DAB1: variants seen among roughly 807,000 people sequenced by gnomAD.
The protein encoded by DAB1 is DAB adaptor protein 1.
A neutral mutation model predicts 64.6 loss-of-function variants in DAB1; 15 were observed. That is an observed-to-expected ratio of 0.23 (90% CI 0.16 to 0.36). The LOEUF is 0.36. DAB1 is among the 10% of genes least tolerant of loss of function. The probability of loss-of-function intolerance (pLI) is 1.00; values close to 1 mark genes in which losing one functional copy is unlikely to be tolerated. For missense variants in DAB1, 596 were observed against 706.7 expected, an observed-to-expected ratio of 0.84 and a Z score of 1.78; for synonymous variants, 235 against 251.9, an observed-to-expected ratio of 0.93 and a Z score of 0.64.
chr1:57,060,635 G>A (rs1459940946), intron 9 of DAB1, among the ~76,000 whole-genome samples: 1 of 152,116 alleles, frequency 6.6e-6, no homozygotes, highest in African/African-American at 2.4e-5. Flanking sequence ...TGTTCAGAGC[G>A]AAAGTCCAGA....
intron 1 of DAB1, among the ~76,000 whole-genome samples, chr1:58,538,379 C>A (rs946453401): frequency 2.0e-5 from 3 of 152,158 alleles, no homozygotes; most frequent in African/African-American, 7.2e-5. Flanking sequence ...TTATGATTTG[C>A]TGCCTTAAAT....
At chr1:57,059,890 A>G (rs1008604763) in intron 9 of DAB1, among the ~76,000 whole-genome samples, 1 of 152,110 alleles carries the variant, frequency 6.6e-6, no homozygotes, top group Non-Finnish European at 1.5e-5. Flanking sequence ...TAGGCTTTTG[A>G]AAATGTTGAA....
chr1:57,016,063 T>G (rs1255355268), intron 11 of DAB1, among the ~76,000 whole-genome samples: 3 of 152,144 alleles, frequency 2.0e-5, no homozygotes, highest in Non-Finnish European at 4.4e-5. Flanking sequence ...TCTCACTGGG[T>G]TGATTTGAAG....
intron 7 of DAB1, among the ~76,000 whole-genome samples, chr1:57,621,560 A>T (rs1645859823): frequency 6.6e-6 from 1 of 151,378 alleles, no homozygotes. Flanking sequence ...TAGGCTGGGG[A>T]CTCTGAGGCT....
At chr1:57,583,735 A>C (rs1414745098) in intron 7 of DAB1, among the ~76,000 whole-genome samples, 1 of 152,084 alleles carries the variant, frequency 6.6e-6, no homozygotes, top group African/African-American at 2.4e-5. Context: ...GTACTTTCCA[A>C]ATTTCTTCCA....
intron 4 of DAB1, among the ~76,000 whole-genome samples, chr1:57,088,982 C>A (rs982400317): frequency 1.3e-5 from 2 of 152,120 alleles, no homozygotes; most frequent in African/African-American, 2.4e-5. Context: ...AGGGCACAGA[C>A]CCTGGAGCCA....
chr1:57,454,839 T>C (rs1186327757), intron 7 of DAB1, among the ~76,000 whole-genome samples: 2 of 152,068 alleles, frequency 1.3e-5, no homozygotes, highest in African/African-American at 2.4e-5. Context: ...AGCTGAGCAC[T>C]GGGGATTCTA....
chr1:57,065,790 T>C (rs999437799), intron 8 of DAB1, among the ~76,000 whole-genome samples: 2 of 152,200 alleles, frequency 1.3e-5, no homozygotes, highest in Admixed American at 6.5e-5. Flanking sequence ...GTCGCTTTGC[T>C]CTCTGAACTT....
At chr1:57,266,455 A>AACTTCT (rs1281303489) in intron 2 of DAB1, among the ~76,000 whole-genome samples, 2 of 152,058 alleles carry the variant, frequency 1.3e-5, no homozygotes, top group African/African-American at 4.8e-5. Context: ...TTGTTTAATA[A>AACTTCT]ACTTCTAATC....
intron 2 of DAB1, among the ~76,000 whole-genome samples, chr1:57,259,030 T>C (rs892630344): frequency 2.4e-4 from 37 of 152,320 alleles, no homozygotes; most frequent in African/African-American, 8.2e-4. Flanking sequence ...ATTAATGAGA[T>C]GGTTTTGATT....
intron 3 of DAB1, chr1:58,473,859 G>T (rs338231): frequency 3.0e-6 from 2 of 661,294 alleles, no homozygotes; most frequent in Non-Finnish European, 5.0e-6. Context: ...CCTAGCCTGC[G>T]TTTCCTTCAC....
intron 6 of DAB1, among the ~76,000 whole-genome samples, chr1:57,752,314 T>C (rs1234751043): frequency 6.6e-6 from 1 of 152,268 alleles, no homozygotes; most frequent in East Asian, 1.9e-4. Flanking sequence ...TTTCAACCCA[T>C]ATATACACCT....
chr1:57,835,867 T>G (rs1652787139), intron 1 of DAB1, among the ~76,000 whole-genome samples: 3 of 152,226 alleles, frequency 2.0e-5, no homozygotes, highest in South Asian at 2.1e-4. Flanking sequence ...CCAGGAGAAC[T>G]GCTTAGGTCA....
At chr1:57,482,526 A>G (rs1644036839) in intron 7 of DAB1, among the ~76,000 whole-genome samples, 1 of 150,846 alleles carries the variant, frequency 6.6e-6, no homozygotes, top group Non-Finnish European at 1.5e-5. Flanking sequence ...ATTGCAGGGT[A>G]TGAACCTAGA....
chr1:57,606,473 G>T (rs1485715687), intron 7 of DAB1, among the ~76,000 whole-genome samples: 2 of 73,600 alleles, frequency 2.7e-5, no homozygotes, highest in Non-Finnish European at 2.6e-5. Flanking sequence ...TAATACATAT[G>T]AAATATATAA....
chr1:57,071,179 T>C (rs974811323), intron 6 of DAB1, 118 bp from the exon 7 acceptor site: 8 of 1,009,640 alleles, frequency 7.9e-6, no homozygotes, highest in African/African-American at 4.9e-5. Context: ...AAGAGGCTGG[T>C]GGGCCATCAA....
chr1:57,983,475 T>A (rs72922554), intron 5 of DAB1, among the ~76,000 whole-genome samples: 1 of 152,098 alleles, frequency 6.6e-6, no homozygotes, highest in African/African-American at 2.4e-5. Context: ...AAGAGGACCA[T>A]AGCCTGGGCA....
chr1:58,062,971 C>A (rs1570299790), intron 5 of DAB1, among the ~76,000 whole-genome samples: 1 of 152,192 alleles, frequency 6.6e-6, no homozygotes, highest in South Asian at 2.1e-4. Flanking sequence ...GATTTATCAA[C>A]CAACTTATTT....
chr1:57,193,229 C>A (rs543985095), intron 2 of DAB1, among the ~76,000 whole-genome samples: 1 of 152,000 alleles, frequency 6.6e-6, no homozygotes, highest in African/African-American at 2.4e-5. Flanking sequence ...CCACCCACCC[C>A]ACCCGGTCCC....
Sources: gnomAD v4.1 joint callset for allele counts (sites outside exome capture counted in the v4.1 genomes callset) on GRCh38, gnomAD v4.1.1 for gene constraint, MANE v1.5 for transcripts, NCBI Gene and HGNC (gene_info 2026-07-23, HGNC 2026-07-21) for gene names.